Variants in ARHGAP23 observed in about 807,000 individuals in gnomAD.
The protein encoded by ARHGAP23 is rho GTPase-activating protein 23.
Under a neutral mutation model 136.3 loss-of-function variants are expected in ARHGAP23, and 34 were observed. That is an observed-to-expected ratio of 0.25 (90% CI 0.19 to 0.33). The LOEUF (loss-of-function observed/expected upper bound fraction) is 0.33. ARHGAP23 is among the 10% of genes least tolerant of loss of function. ARHGAP23 has a pLI of 1.00. For missense variants in ARHGAP23, 1,808 were observed against 2,139.0 expected, an observed-to-expected ratio of 0.85 and a Z score of 3.05; for synonymous variants, 832 against 920.5, an observed-to-expected ratio of 0.90 and a Z score of 1.74.
chr17:38,470,139 C>T (rs1222902321), intron 10 of ARHGAP23, among the ~76,000 whole-genome samples: 2 of 152,242 alleles, frequency 1.3e-5, no homozygotes, highest in African/African-American at 2.4e-5. Context: ...TGGACTGCCT[C>T]TTTCCAGACC....
chr17:38,462,199 C>T (rs112416904), intron 3 of ARHGAP23, among the ~76,000 whole-genome samples: 7,010 of 149,758 alleles, frequency 0.047, 594 homozygotes, highest in African/African-American at 0.17. Flanking sequence ...TGATCTGTCT[C>T]GGCCTCCCAA....
chr17:38,498,621 C>T, intron 22 of ARHGAP23, 111 bp downstream of exon 22: 9 of 931,626 alleles, frequency 9.7e-6, no homozygotes, highest in Non-Finnish European at 1.4e-5. Flanking sequence ...CAGCGGGGCC[C>T]TCCCCTGCCG....
intron 1 of ARHGAP23, among the ~76,000 whole-genome samples, chr17:38,434,123 C>T (rs1265702381): frequency 6.6e-6 from 1 of 152,150 alleles, no homozygotes; most frequent in Non-Finnish European, 1.5e-5. Flanking sequence ...CCGCGCCTGG[C>T]TGGATTTTGT....
intron 23 of ARHGAP23, among the ~76,000 whole-genome samples, chr17:38,508,092 C>T (rs191108197): frequency 6.6e-6 from 1 of 152,236 alleles, no homozygotes; most frequent in Non-Finnish European, 1.5e-5. Flanking sequence ...ATGTGCCATG[C>T]AGAAACAACC....
rs1038881660 is a variant in ARHGAP23, at chr17:38,467,327, T to C, written c.1644T>C (p.Phe548=). 2.0e-5 allele frequency: 29 copies of C among 1,474,194 alleles called. No individual in the cohort carries two copies. Among genetic ancestry groups the C allele is most frequent in the Non-Finnish European group, 2.4e-5 (27 of 1,111,536 alleles). The allele number at this position is 1,474,194 out of a possible 1,614,324, so 91.3% of individuals were successfully genotyped here. A position where few individuals can be genotyped will look rare whatever the true frequency, so the allele number is the denominator to read the frequency against. The stretch of plus-strand genomic sequence containing the variant: ...AAGACTCTCTGGCTTCCATCCCCTT[T>C]ATTGGTGAGTGATGGTACATGTGGC... ...TTEDSLASIP[F]IDEPTSPSID... Residue 548 remains phenylalanine, a synonymous_variant, in exon 7 of 24, where the codon TTT becomes TTC. Coordinates refer to ENST00000622683, the MANE Select transcript of ARHGAP23 (RefSeq NM_001199417.2).
chr17:38,469,566 T>A lies in ARHGAP23; in HGVS notation c.1847T>A (p.Ile616Asn). The change falls in exon 9 of 24, where the codon ATC becomes AAC. Residue 616 changes from isoleucine (I) to asparagine (N), a missense_variant. By Grantham distance (149) the Ile-to-Asn change is moderately radical. Around this residue, in one of 7 missense-constraint regions of ARHGAP23, gnomAD observed 859 missense variants for 936.4 expected, o/e 0.92. Transcript: ENST00000622683. ...AGRRSSYLLA[I>N]TTERSKSCDD... Reference sequence around the variant, plus strand: ...CGCCGCTCCTCCTACCTGCTGGCCATCACCACGGAGCGCTCCAAGTCCTGC... The same window carrying A: ...CGCCGCTCCTCCTACCTGCTGGCCAACACCACGGAGCGCTCCAAGTCCTGC... The A allele has an allele frequency of 6.5e-7, 1 of 1,548,622 alleles. No homozygotes were observed. The highest frequency in any genetic ancestry group is 1.2e-5 in the South Asian group (1 of 83,948).
At chr17:38,420,461 G>T (rs1269886233) in intron 1 of ARHGAP23, among the ~76,000 whole-genome samples, 1 of 152,244 alleles carries the variant, frequency 6.6e-6, no homozygotes, top group Admixed American at 6.5e-5. Flanking sequence ...GCAGTGGCTG[G>T]GGGCCCTGGC....
At position 38,436,397 on chromosome 17, in the gene ARHGAP23, A is replaced by C. The variant is rs543274674; in HGVS notation, c.63+7849A>C. ...TCCCCTCAGCTACCCCTACCCCCCCAAAAAAAACGCTGAGGAGAGTGCCCC... is the reference window on the plus strand; with the variant it reads ...TCCCCTCAGCTACCCCTACCCCCCCCAAAAAAACGCTGAGGAGAGTGCCCC... On this transcript the variant is annotated intron_variant, in intron 1 of 23. Coordinates refer to ENST00000622683, the MANE Select transcript of ARHGAP23 (RefSeq NM_001199417.2). Among the ~76,000 whole-genome samples the C allele has an allele frequency of 6.4e-3, 446 of 69,848 alleles. 2 individuals carry two copies. Among genetic ancestry groups the C allele is most frequent in the African/African-American group, 0.014 (409 of 29,052 alleles). 45.8% of individuals were successfully genotyped at this position (69,848 alleles called of 152,430 possible). A position where few individuals can be genotyped will look rare whatever the true frequency, so the allele number is the denominator to read the frequency against.
intron 23 of ARHGAP23, among the ~76,000 whole-genome samples, chr17:38,503,685 G>A (rs1426149329): frequency 6.6e-6 from 1 of 152,218 alleles, no homozygotes; most frequent in Non-Finnish European, 1.5e-5. Context: ...CTCCTGAGAC[G>A]CTAGCAGTTA....
chr17:38,479,699 C>T (rs1021866735), intron 13 of ARHGAP23, 54 bp from the exon 14 acceptor site: 10 of 1,460,916 alleles, frequency 6.8e-6, no homozygotes, highest in African/African-American at 4.3e-5. Context: ...GGGTGGGTGG[C>T]CTGCTTGGCC....
rs1364327703 is a variant in ARHGAP23, at chr17:38,466,279, C to G, written c.596C>G (p.Ala199Gly). 1 of 1,548,360 alleles carries G rather than the reference C, an allele frequency of 6.5e-7. No individual in the cohort carries two copies. Among genetic ancestry groups the G allele is most frequent in the African/African-American group, 1.4e-5 (1 of 73,000 alleles). Residue 199 changes from alanine (A) to glycine (G), a missense_variant, in exon 7 of 24, where the codon GCC becomes GGC. Ala to Gly is a moderately conservative substitution (Grantham distance 60, BLOSUM62 0). Coordinates refer to ENST00000622683, the MANE Select transcript of ARHGAP23 (RefSeq NM_001199417.2). ...CYPRKTYAPP[A>G]RASTRATMVP... The stretch of plus-strand genomic sequence containing the variant: ...CCCCGCAAGACCTACGCCCCTCCTG[C>G]CCGGGCCTCCACCAGGGCCACTATG...
At position 38,469,126 on chromosome 17, in the gene ARHGAP23, C is replaced by T. The variant is rs2039681492; in HGVS notation, c.1649-18C>T. ...CGCTGTCTGCTGCCTTCACACCTTT[C>T]TCCTTCCACATGCATAGATGAGCCC... On this transcript the variant is annotated intron_variant, in intron 7 of 23. Coordinates refer to ENST00000622683, the MANE Select transcript of ARHGAP23 (RefSeq NM_001199417.2). 1 of 1,540,130 alleles carries T rather than the reference C, an allele frequency of 6.5e-7. No homozygotes were observed. The highest frequency in any genetic ancestry group is 1.4e-5 in the African/African-American group (1 of 72,772).
chr17:38,490,531 G>A lies in ARHGAP23; in HGVS notation c.3130G>A (p.Asp1044Asn), dbSNP rs925027772. ...FLVGHLKTIA[D>N]HSEKNKMEPR... ...TGTGGGCCATCTCAAGACCATCGCT[G>A]ACCACTCTGAGAAAAACAAGGTGGG... is the stretch of plus-strand genomic sequence containing the variant. The change falls in exon 19 of 24, where the codon GAC (aspartate) becomes AAC (asparagine). Residue 1044 changes from aspartate to asparagine, a missense_variant. Transcript: ENST00000622683. 5.8e-6 allele frequency: 9 copies of A among 1,548,144 alleles called. No homozygotes were observed. The African/African-American group carries it at 1.2e-4, about 21-fold the overall frequency.
At chr17:38,469,750 G>T (rs865908780) in intron 9 of ARHGAP23, 97 bp from the exon 10 acceptor site, 1 of 1,502,662 alleles carries the variant, frequency 6.7e-7, no homozygotes, top group East Asian at 2.5e-5. Flanking sequence ...TGCCTCCCCC[G>T]CTGGAAGGCT....
intron 3 of ARHGAP23, 123 bp downstream of exon 3, chr17:38,461,055 G>A (rs1315557459): frequency 2.0e-6 from 3 of 1,465,444 alleles, no homozygotes; most frequent in Non-Finnish European, 2.7e-6. Context: ...TCCTGTTCCT[G>A]CCTTTGCTCC....
chr17:38,508,257 C>T (rs561896533), intron 23 of ARHGAP23, among the ~76,000 whole-genome samples: 5 of 152,240 alleles, frequency 3.3e-5, no homozygotes, highest in South Asian at 2.1e-4. Context: ...AAGCCATGTT[C>T]GAGCTGGGCC....
intron 1 of ARHGAP23, among the ~76,000 whole-genome samples, chr17:38,435,528 A>C (rs972873535): frequency 2.6e-5 from 4 of 152,164 alleles, no homozygotes; most frequent in African/African-American, 9.7e-5. Flanking sequence ...CCCGAATCTG[A>C]TGCTGTTTGT....
At chr17:38,432,692 A>C (rs1264093518) in intron 1 of ARHGAP23, among the ~76,000 whole-genome samples, 2 of 151,982 alleles carry the variant, frequency 1.3e-5, no homozygotes, top group African/African-American at 4.8e-5. Context: ...AAAAAAAAAA[A>C]ATTAGCTGGG....
chr17:38,437,797 G>GA (rs924415471), intron 1 of ARHGAP23, among the ~76,000 whole-genome samples: 3 of 148,378 alleles, frequency 2.0e-5, no homozygotes, highest in Admixed American at 6.6e-5. Context: ...CATAACGAAG[G>GA]GGGGGGAGGG....
Sources: allele counts gnomAD v4.1 joint callset (sites outside exome capture counted in the v4.1 genomes callset), GRCh38; gene constraint gnomAD v4.1.1; regional missense constraint gnomAD v4.1.1; transcripts MANE v1.5; gene names NCBI Gene and HGNC (gene_info 2026-07-23, HGNC 2026-07-21).